GOLGA1: variants seen among roughly 807,000 people sequenced by gnomAD.
GOLGA1 encodes the protein golgin A1.
GOLGA1 carries 63 observed loss-of-function variants against 119.7 expected under a neutral mutation model. That is an observed-to-expected ratio of 0.53 (90% CI 0.43 to 0.65). The LOEUF is 0.65. Ranked by LOEUF, GOLGA1 falls within the 30% of genes least tolerant of loss-of-function variation. The probability of loss-of-function intolerance (pLI) is 0.00; values close to 1 mark genes in which losing one functional copy is unlikely to be tolerated. For synonymous variants in GOLGA1, 318 were observed against 333.4 expected, an observed-to-expected ratio of 0.95 and a Z score of 0.50; for missense variants, 798 against 912.8, an observed-to-expected ratio of 0.87 and a Z score of 1.62.
chr9:124,931,477 C>A, intron 3 of GOLGA1, 71 bp from the exon 4 acceptor site: 1 of 787,570 alleles, frequency 1.3e-6, no homozygotes, highest in Admixed American at 1.9e-5. Context: ...CAGAAAGTGA[C>A]AAGTCTTATT....
At chr9:124,896,384 G>T (rs1033342845) in intron 15 of GOLGA1, among the ~76,000 whole-genome samples, 1 of 152,232 alleles carries the variant, frequency 6.6e-6, no homozygotes, top group Admixed American at 6.5e-5. Context: ...CTACACACCA[G>T]CCTGGGCGAC....
chr9:124,896,139 C>T (rs1829982125), intron 15 of GOLGA1, among the ~76,000 whole-genome samples: 2 of 152,196 alleles, frequency 1.3e-5, no homozygotes, highest in African/African-American at 4.8e-5. Flanking sequence ...TCAGGCAGGG[C>T]ATGGTGGCTC....
chr9:124,882,402 T>C (rs1045492083), intron 20 of GOLGA1, 108 bp downstream of exon 20: 26 of 768,716 alleles, frequency 3.4e-5, no homozygotes, highest in Non-Finnish European at 5.5e-5. Context: ...TGCAATTAAT[T>C]AGGGGGTGGA....
At chr9:124,882,952 G>C (rs1439333094) in intron 19 of GOLGA1, among the ~76,000 whole-genome samples, 1 of 152,130 alleles carries the variant, frequency 6.6e-6, no homozygotes, top group African/African-American at 2.4e-5. Flanking sequence ...CCCCAAGTAG[G>C]ATACTTAGGC....
chr9:124,919,423 G>A (rs2131479615), intron 10 of GOLGA1, among the ~76,000 whole-genome samples: 1 of 152,200 alleles, frequency 6.6e-6, no homozygotes, highest in Middle Eastern at 3.4e-3. Context: ...GTTCATTGAG[G>A]GTAAAAAGCC....
chr9:124,928,842 A>G (rs968240607), intron 5 of GOLGA1, among the ~76,000 whole-genome samples: 10 of 152,224 alleles, frequency 6.6e-5, no homozygotes, highest in African/African-American at 2.4e-4. Context: ...GAGTGATGAC[A>G]GGGATTTCTC....
chr9:124,890,401 C>T lies in GOLGA1; in HGVS notation c.1485G>A (p.Glu495=), dbSNP rs747682330. 1.2e-6 allele frequency: 2 copies of T among 1,611,808 alleles called. No homozygotes were observed. The highest frequency in any genetic ancestry group is 1.7e-6 in the Non-Finnish European group (2 of 1,177,838). The change falls in exon 16 of 23, where the codon GAG becomes GAA. Residue 495 remains glutamate (E), a synonymous_variant. Transcript: ENST00000373555. ...AAACAGGGCCCACCTGTTGCTGGAA[C>T]TCTTCCCTTTGCTTCCGCACCTCCT... The part of the protein sequence containing the change: ...ALEEVRKQRE[E]FQQQAANLTA...
intron 13 of GOLGA1, chr9:124,900,221 T>C (rs1830072486): frequency 5.3e-6 from 2 of 378,100 alleles, no homozygotes; most frequent in African/African-American, 2.1e-5. Context: ...GAAGGTGGGA[T>C]GTAAGGTGGA....
At chr9:124,889,361 T>A in intron 17 of GOLGA1, 58 bp from the exon 18 acceptor site, 1 of 1,599,502 alleles carries the variant, frequency 6.3e-7, no homozygotes, top group Non-Finnish European at 8.6e-7. Flanking sequence ...TGCTGCTTGG[T>A]GGCAAGGCCG....
intron 10 of GOLGA1, among the ~76,000 whole-genome samples, chr9:124,917,250 A>C (rs761560141): frequency 6.6e-6 from 1 of 152,150 alleles, no homozygotes; most frequent in Non-Finnish European, 1.5e-5. Context: ...AGATAAACAC[A>C]TTGTTCTTTT....
At chr9:124,938,888 C>T (rs1830936902) in intron 2 of GOLGA1, 22 bp from the exon 3 acceptor site, 2 of 504,218 alleles carry the variant, frequency 4.0e-6, no homozygotes, top group African/African-American at 2.0e-5. Context: ...ATGAAAGAGA[C>T]AGTTCAAAAG....
intron 5 of GOLGA1, among the ~76,000 whole-genome samples, chr9:124,929,004 T>C (rs542742000): frequency 6.6e-6 from 1 of 152,334 alleles, no homozygotes; most frequent in Non-Finnish European, 1.5e-5. Flanking sequence ...CATAATGACC[T>C]ACTCCTAAGA....
At chr9:124,929,152 C>T in intron 5 of GOLGA1, 64 bp downstream of exon 5, 1 of 918,874 alleles carries the variant, frequency 1.1e-6, no homozygotes, top group Admixed American at 1.9e-5. Flanking sequence ...TAACCATACA[C>T]TATTGTTTCA....
intron 15 of GOLGA1, among the ~76,000 whole-genome samples, chr9:124,891,064 G>A (rs1177702972): frequency 6.6e-6 from 1 of 152,212 alleles, no homozygotes; most frequent in Non-Finnish European, 1.5e-5. Flanking sequence ...GCCGAGGCGA[G>A]AGGATTGCTT....
chr9:124,890,283 C>T lies in GOLGA1; in HGVS notation c.1497+106G>A, dbSNP rs185604241. 20 of 787,306 alleles carry T rather than the reference C, an allele frequency of 2.5e-5. No homozygotes were observed. In the East Asian group the frequency reaches 4.7e-4, roughly 19 times the overall value. 48.8% of individuals were successfully genotyped at this position (787,306 alleles called of 1,614,324 possible). On this transcript the variant is annotated intron_variant, in intron 16 of 22. Coordinates refer to ENST00000373555, the MANE Select transcript of GOLGA1 (RefSeq NM_002077.4). ...ATTCCCTGAGTCCTGAGTCTACTAC[C>T]CTACCCTGGAGAGACAGGCCCTCTC...
chr9:124,930,738 A>G lies in GOLGA1; in HGVS notation c.226+578T>C, dbSNP rs181068414. Among the ~76,000 whole-genome samples, 3 of 152,338 alleles carry G rather than the reference A, an allele frequency of 2.0e-5. No individual in the cohort carries two copies. The East Asian group carries it at 5.8e-4, about 29-fold the overall frequency. On this transcript the variant is annotated intron_variant, in intron 4 of 22. Coordinates refer to ENST00000373555, the MANE Select transcript of GOLGA1 (RefSeq NM_002077.4). ...GCAGAAACCAAAATAATAACTCACAATTCTATCATGACCATGCCCTCCTCA... is the reference window on the plus strand; with the variant it reads ...GCAGAAACCAAAATAATAACTCACAGTTCTATCATGACCATGCCCTCCTCA...
chr9:124,910,697 G>A (rs1830322565), intron 11 of GOLGA1, among the ~76,000 whole-genome samples: 1 of 152,164 alleles, frequency 6.6e-6, no homozygotes, highest in African/African-American at 2.4e-5. Context: ...AGCAGGAGGT[G>A]AGTGGTGAGT....
At chr9:124,895,297 GA>G (rs1334490584) in intron 15 of GOLGA1, among the ~76,000 whole-genome samples, 4 of 130,012 alleles carry the variant, frequency 3.1e-5, no homozygotes, top group South Asian at 2.5e-4. Context: ...CCACAACAGA[GA>G]ACCCTCCACA....
At chr9:124,937,312 C>T (rs181477458) in intron 3 of GOLGA1, among the ~76,000 whole-genome samples, 26 of 152,088 alleles carry the variant, frequency 1.7e-4, no homozygotes, top group Admixed American at 1.0e-3. Flanking sequence ...ATTAGCTGGA[C>T]GTGGTGGCGG....
Sources: gnomAD v4.1 joint callset for allele counts (sites outside exome capture counted in the v4.1 genomes callset) on GRCh38, gnomAD v4.1.1 for gene constraint, MANE v1.5 for transcripts, NCBI Gene and HGNC (gene_info 2026-07-23, HGNC 2026-07-21) for gene names.